The following DRC8 variants were observed in gnomAD, a reference collection of about 807,000 sequenced individuals.
DRC8 encodes the protein dynein regulatory complex protein 8.
At chr1:244,981,133 G>A in the DRC8 span, among the ~76,000 whole-genome samples, 1 of 151,990 alleles carries the variant, frequency 6.6e-6, no homozygotes, top group Non-Finnish European at 1.5e-5. Context: ...GCAGTGAGCC[G>A]AGATCACGCC....
the DRC8 span, among the ~76,000 whole-genome samples, chr1:245,049,804 C>T: frequency 3.3e-5 from 5 of 152,124 alleles, no homozygotes; most frequent in Admixed American, 6.6e-5. The surrounding 1 kb of genome is among the most constrained non-coding windows in gnomAD (Gnocchi z 4.5). Context: ...AGGCAGCAGT[C>T]GCAGTGGCAG....
the DRC8 span, among the ~76,000 whole-genome samples, chr1:245,048,660 T>C: frequency 2.0e-5 from 3 of 152,074 alleles, no homozygotes; most frequent in Admixed American, 2.0e-4. Flanking sequence ...TCTTTCTCCT[T>C]CTCCCTCTCT....
chr1:245,047,822 A>G, the DRC8 span, among the ~76,000 whole-genome samples: 12 of 151,938 alleles, frequency 7.9e-5, no homozygotes, highest in South Asian at 2.5e-3. Flanking sequence ...AAATAAAAAA[A>G]TAAACTTAGT....
the DRC8 span, among the ~76,000 whole-genome samples, chr1:245,098,294 T>C: frequency 6.6e-6 from 1 of 151,770 alleles, no homozygotes; most frequent in Non-Finnish European, 1.5e-5. Flanking sequence ...TCTATATAAG[T>C]CTGGAGCTCC....
At chr1:245,107,042 C>T in the DRC8 span, 1 of 152,224 alleles carries the variant, frequency 6.6e-6, no homozygotes, top group African/African-American at 2.4e-5. Context: ...GAAACTCTGT[C>T]TCAACACAAA....
chr1:245,007,826 G>A, the DRC8 span, among the ~76,000 whole-genome samples: 2 of 152,070 alleles, frequency 1.3e-5, no homozygotes, highest in Non-Finnish European at 2.9e-5. Context: ...ACTTCAAGAT[G>A]GGTAATGACT....
the DRC8 span, among the ~76,000 whole-genome samples, chr1:244,981,848 T>C: frequency 1.1e-4 from 17 of 152,324 alleles, no homozygotes; most frequent in Non-Finnish European, 2.4e-4. Flanking sequence ...TGAAATATGC[T>C]AGTGCATTCT....
chr1:245,099,818 G>A, the DRC8 span, among the ~76,000 whole-genome samples: 5 of 15,624 alleles, frequency 3.2e-4, no homozygotes, highest in African/African-American at 1.5e-3. Flanking sequence ...CCATTTTTAA[G>A]CTACAATACA....
chr1:245,108,660 T>C, the DRC8 span, among the ~76,000 whole-genome samples: 1 of 152,172 alleles, frequency 6.6e-6, no homozygotes, highest in Non-Finnish European at 1.5e-5. Context: ...TGGTCTCTCA[T>C]ATGCAGCAGA....
the DRC8 span, among the ~76,000 whole-genome samples, chr1:245,077,174 C>A: frequency 6.6e-6 from 1 of 152,090 alleles, no homozygotes; most frequent in Non-Finnish European, 1.5e-5. Flanking sequence ...TTTGATAGTG[C>A]ACCACACAGA....
At chr1:245,053,408 C>T in the DRC8 span, among the ~76,000 whole-genome samples, 2 of 152,314 alleles carry the variant, frequency 1.3e-5, no homozygotes, top group Non-Finnish European at 1.5e-5. Flanking sequence ...GTGTCGTCTG[C>T]ACCAGGCTCA....
At chr1:244,996,988 T>G in the DRC8 span, among the ~76,000 whole-genome samples, 1 of 152,218 alleles carries the variant, frequency 6.6e-6, no homozygotes, top group African/African-American at 2.4e-5. Flanking sequence ...TCTTGTATAC[T>G]TCAAATCATC....
the DRC8 span, among the ~76,000 whole-genome samples, chr1:245,100,808 TAATAATA>T: frequency 9.3e-6 from 1 of 107,122 alleles, no homozygotes; most frequent in East Asian, 3.7e-4. Context: ...ATAATAATAA[TAATAATA>T]AATACTTCAC....
chr1:245,080,200 T>A, the DRC8 span, among the ~76,000 whole-genome samples: 1 of 152,196 alleles, frequency 6.6e-6, no homozygotes, highest in Non-Finnish European at 1.5e-5. Flanking sequence ...TGAATTGGGA[T>A]CTTTGAGCCT....
the DRC8 span, among the ~76,000 whole-genome samples, chr1:245,062,991 C>A: frequency 6.6e-6 from 1 of 152,234 alleles, no homozygotes; most frequent in Admixed American, 6.5e-5. Flanking sequence ...TCTAGTCAAC[C>A]CTGGCTTGCA....
the DRC8 span, chr1:245,124,751 C>T: frequency 1.3e-5 from 2 of 151,516 alleles, no homozygotes; most frequent in Non-Finnish European, 2.9e-5. Flanking sequence ...TTTGAAGACC[C>T]CCACAGAGGA....
chr1:245,058,911 A>G, the DRC8 span, among the ~76,000 whole-genome samples: 1 of 152,138 alleles, frequency 6.6e-6, no homozygotes. Context: ...TTATGCACAC[A>G]TTGATTAGGT....
At chr1:244,974,896 G>T in the DRC8 span, among the ~76,000 whole-genome samples, 1 of 151,596 alleles carries the variant, frequency 6.6e-6, no homozygotes, top group African/African-American at 2.4e-5. Flanking sequence ...GTTTCACTGT[G>T]TTGGCTACGC....
chr1:245,118,322 A>G, the DRC8 span, among the ~76,000 whole-genome samples: 1 of 152,222 alleles, frequency 6.6e-6, no homozygotes, highest in Non-Finnish European at 1.5e-5. Flanking sequence ...ACACAGGGAC[A>G]GGTGCGCTGG....
Sources: gnomAD v4.1 joint callset for allele counts (sites outside exome capture counted in the v4.1 genomes callset) on GRCh38, gnomAD v4.1.1 for gene constraint, Gnocchi (gnomAD v3.1) non-coding constraint, MANE v1.5 for transcripts, NCBI Gene and HGNC (gene_info 2026-07-23, HGNC 2026-07-21) for gene names.